The following CNTN5 variants were observed in gnomAD, a reference collection of about 807,000 sequenced individuals.
CNTN5 encodes contactin-5.
Under a neutral mutation model 129.1 loss-of-function variants are expected in CNTN5, and 77 were observed. The observed-to-expected ratio is 0.60, with a 90% CI of 0.50 to 0.72. The LOEUF is 0.72. CNTN5 is among the 30% of genes least tolerant of loss of function. CNTN5 has a pLI of 0.00. For synonymous variants in CNTN5, 509 were observed against 465.6 expected (o/e 1.09, Z -1.20); for missense variants, 1,478 against 1,328.8 (o/e 1.11, Z -1.75).
At chr11:100,224,102 A>T (rs1949321806) in intron 15 of CNTN5, among the ~76,000 whole-genome samples, 1 of 152,144 alleles carries the variant, frequency 6.6e-6, no homozygotes, top group South Asian at 2.1e-4. Flanking sequence ...GCACTGATTA[A>T]CAAAGATTCA....
chr11:99,692,798 T>C (rs1177560992), intron 3 of CNTN5, among the ~76,000 whole-genome samples: 4 of 152,220 alleles, frequency 2.6e-5, no homozygotes, highest in African/African-American at 7.2e-5. Flanking sequence ...TAATCTGATA[T>C]GACACCAATT....
chr11:100,160,003 C>T (rs539684172), intron 13 of CNTN5, among the ~76,000 whole-genome samples: 2 of 151,826 alleles, frequency 1.3e-5, no homozygotes, highest in South Asian at 2.1e-4. Flanking sequence ...TAGGTATACA[C>T]GTGCCATGGT....
intron 9 of CNTN5, among the ~76,000 whole-genome samples, chr11:100,025,376 A>G (rs1452078057): frequency 2.6e-5 from 4 of 152,240 alleles, no homozygotes; most frequent in African/African-American, 9.6e-5. Flanking sequence ...GGTGTGCTGC[A>G]GGGCTTGAGC....
intron 13 of CNTN5, among the ~76,000 whole-genome samples, chr11:100,176,486 A>G (rs1445852010): frequency 6.6e-6 from 1 of 152,090 alleles, no homozygotes; most frequent in Non-Finnish European, 1.5e-5. Flanking sequence ...TGCTTAATGG[A>G]CAAGTGCTCT....
intron 1 of CNTN5, among the ~76,000 whole-genome samples, chr11:99,155,285 T>G (rs1670746056): frequency 6.6e-6 from 1 of 152,232 alleles, no homozygotes; most frequent in Non-Finnish European, 1.5e-5. Flanking sequence ...TTTAAAACAT[T>G]TTTAAAAATC....
rs199698378 is a variant in CNTN5, at chr11:100,061,306, G to A, written c.1075G>A (p.Val359Ile). The A allele has an allele frequency of 3.7e-6, 6 of 1,613,508 alleles. No individual in the cohort carries two copies. The highest frequency in any genetic ancestry group is 5.1e-6 in the Non-Finnish European group (6 of 1,179,592). ...TCAGGCGGTGCTGGAAATACCGAAT[G>A]TACAGCTGGATGATGCAGGCATTTA... ...KSQAVLEIPN[V>I]QLDDAGIYEC... The change falls in exon 10 of 25, where the codon GTA becomes ATA. Residue 359 changes from valine (V) to isoleucine (I), a missense_variant. By Grantham distance (29) the Val-to-Ile change is conservative. Transcript: ENST00000524871.
At chr11:99,419,124 T>C (rs1863642121) in intron 2 of CNTN5, among the ~76,000 whole-genome samples, 1 of 152,320 alleles carries the variant, frequency 6.6e-6, no homozygotes, top group Middle Eastern at 3.4e-3. Flanking sequence ...CTTCCCCATA[T>C]TCTAATTCTT....
chr11:99,553,023 T>C (rs1948545981), intron 2 of CNTN5, among the ~76,000 whole-genome samples: 1 of 152,190 alleles, frequency 6.6e-6, no homozygotes, highest in Non-Finnish European at 1.5e-5. Flanking sequence ...TTCTTTGTAA[T>C]CTATGACTGA....
At chr11:100,026,120 T>C (rs576285087) in intron 9 of CNTN5, among the ~76,000 whole-genome samples, 1 of 152,252 alleles carries the variant, frequency 6.6e-6, no homozygotes, top group South Asian at 2.1e-4. Context: ...AGAGACCTGG[T>C]GAAGGTAACT....
At chr11:99,064,218 C>T (rs1346653978) in intron 1 of CNTN5, among the ~76,000 whole-genome samples, 1 of 152,168 alleles carries the variant, frequency 6.6e-6, no homozygotes, top group Non-Finnish European at 1.5e-5. Context: ...TTTCACTCTT[C>T]TGTCAATATG....
rs2447141 is a variant in CNTN5, at chr11:99,299,592, G to T, written c.-209-25754G>T. Among the ~76,000 whole-genome samples, 353 of 152,234 alleles carry T rather than the reference G, an allele frequency of 2.3e-3. 2 individuals carry two copies. Among genetic ancestry groups the T allele is most frequent in the African/African-American group, 8.1e-3 (335 of 41,564 alleles). ...TCTCCAATGTCACTTATTGCCCATT[G>T]TATACCCATATATGTCCATTGTTTA... On this transcript the variant is annotated intron_variant, in intron 1 of 24. Coordinates refer to ENST00000524871, the MANE Select transcript of CNTN5 (RefSeq NM_014361.4).
chr11:100,288,212 C>CA (rs1950847663), intron 18 of CNTN5, among the ~76,000 whole-genome samples: 2 of 152,164 alleles, frequency 1.3e-5, no homozygotes, highest in South Asian at 2.1e-4. Context: ...GACAGAAAGT[C>CA]AACAAGGATA....
At chr11:100,008,340 CAATAA>C (rs1408855608) in intron 9 of CNTN5, among the ~76,000 whole-genome samples, 1 of 151,870 alleles carries the variant, frequency 6.6e-6, no homozygotes, top group Non-Finnish European at 1.5e-5. Context: ...AAGTGAAGTG[CAATAA>C]AATAATGTGT....
At chr11:99,493,687 A>T (rs1213458743) in intron 2 of CNTN5, among the ~76,000 whole-genome samples, 1 of 152,232 alleles carries the variant, frequency 6.6e-6, no homozygotes, top group Admixed American at 6.5e-5. Context: ...GGGTAAAGGG[A>T]TAGACATTAG....
At chr11:99,771,162 T>G (rs959887279) in intron 3 of CNTN5, among the ~76,000 whole-genome samples, 2 of 152,024 alleles carry the variant, frequency 1.3e-5, no homozygotes, top group Non-Finnish European at 1.5e-5. Flanking sequence ...TGGGGTCACA[T>G]CTCAAGTAGC....
At chr11:99,355,322 C>G (rs939054212) in intron 2 of CNTN5, among the ~76,000 whole-genome samples, 2 of 152,114 alleles carry the variant, frequency 1.3e-5, no homozygotes, top group African/African-American at 4.8e-5. Flanking sequence ...TCCTCGAATA[C>G]TAAACAATGA....
intron 2 of CNTN5, among the ~76,000 whole-genome samples, chr11:99,347,748 G>A (rs1013380261): frequency 2.0e-5 from 3 of 152,072 alleles, no homozygotes; most frequent in Non-Finnish European, 2.9e-5. Flanking sequence ...GATATTTTTC[G>A]TTCTGAGGTG....
At chr11:99,297,998 C>G (rs1591486876) in intron 1 of CNTN5, among the ~76,000 whole-genome samples, 2 of 152,150 alleles carry the variant, frequency 1.3e-5, no homozygotes, top group African/African-American at 4.8e-5. Flanking sequence ...CTCAAAGAAA[C>G]TCGGAGAACT....
At chr11:99,709,898 A>C (rs564340027) in intron 3 of CNTN5, among the ~76,000 whole-genome samples, 1 of 151,898 alleles carries the variant, frequency 6.6e-6, no homozygotes, top group Non-Finnish European at 1.5e-5. Flanking sequence ...ATGAAAGTTC[A>C]TTGCTGAAAA....
Sources: allele counts gnomAD v4.1 joint callset (sites outside exome capture counted in the v4.1 genomes callset), GRCh38; gene constraint gnomAD v4.1.1; transcripts MANE v1.5; gene names NCBI Gene and HGNC (gene_info 2026-07-23, HGNC 2026-07-21).